SDK1: variants seen among roughly 807,000 people sequenced by gnomAD.
SDK1 encodes sidekick cell adhesion molecule 1.
SDK1 carries 157 observed loss-of-function variants against 245.5 expected under a neutral mutation model. That is an observed-to-expected ratio of 0.64 (90% CI 0.56 to 0.73). SDK1 has a LOEUF of 0.73. SDK1 is among the 30% of genes least tolerant of loss of function. SDK1 has a pLI of 0.00. For synonymous variants in SDK1, 1,647 were observed against 1,278.5 expected, an observed-to-expected ratio of 1.29 and a Z score of -6.15; for missense variants, 3,583 against 3,002.3, an observed-to-expected ratio of 1.19 and a Z score of -4.52.
intron 2 of SDK1, among the ~76,000 whole-genome samples, chr7:3,634,360 C>T (rs1240666100): frequency 1.3e-5 from 2 of 152,160 alleles, no homozygotes; most frequent in African/African-American, 2.4e-5. Flanking sequence ...AGATGCAGGT[C>T]ACAACTGAGG....
At position 4,210,024 on chromosome 7, in the gene SDK1, G is replaced by GC; in HGVS notation, c.5405dup (p.Gly1803TrpfsTer105). On this transcript the variant is annotated frameshift_variant and splice_region_variant. Coordinates refer to ENST00000404826, the MANE Select transcript of SDK1 (RefSeq NM_152744.4). LOFTEE classifies it high-confidence loss of function. Reference sequence around the variant, plus strand: ...AGTCACTTTGTGTTCTATTCTCCCAGCCCCTGGGGCCCCCAGCTTTCTGGC... The same window carrying GC: ...AGTCACTTTGTGTTCTATTCTCCCAGCCCCCTGGGGCCCCCAGCTTTCTGGC... The GC allele has an allele frequency of 6.3e-7, 1 of 1,575,886 alleles. No homozygotes were observed. The highest frequency in any genetic ancestry group is 1.2e-5 in the South Asian group (1 of 84,882).
chr7:3,854,426 A>G (rs1371631925), intron 5 of SDK1, among the ~76,000 whole-genome samples: 3 of 152,208 alleles, frequency 2.0e-5, no homozygotes, highest in Non-Finnish European at 4.4e-5. Flanking sequence ...CTAAATGTTA[A>G]TGATTGCCCC....
intron 1 of SDK1, among the ~76,000 whole-genome samples, chr7:3,461,376 G>A (rs577889712): frequency 3.9e-5 from 6 of 152,224 alleles, no homozygotes; most frequent in Admixed American, 2.6e-4. Flanking sequence ...AACTCTGAGT[G>A]GTATAACAAA....
chr7:3,432,112 TAA>T lies in SDK1; in HGVS notation c.298+130240_298+130241del, dbSNP rs202224777. ...GTAAACAGAGCTTTGCAGGCTGCAG[TAA>T]AAAAAAAAAAATATATATATGTATT... On this transcript the variant is annotated intron_variant, in intron 1 of 44. Transcript: ENST00000404826. Among the ~76,000 whole-genome samples, 252 of 84,254 alleles carry T rather than the reference TAA, an allele frequency of 3.0e-3. 1 individual carries two copies. The highest frequency in any genetic ancestry group is 4.4e-3 in the Non-Finnish European group (167 of 37,872). 55.3% of individuals were successfully genotyped at this position (84,254 alleles called of 152,430 possible). A position where few individuals can be genotyped will look rare whatever the true frequency, so the allele number is the denominator to read the frequency against.
chr7:3,533,453 C>G (rs577755901), intron 1 of SDK1, among the ~76,000 whole-genome samples: 8 of 152,196 alleles, frequency 5.3e-5, no homozygotes, highest in East Asian at 1.9e-4. Flanking sequence ...CAAAATAAAT[C>G]CTATGTATTC....
chr7:4,252,582 A>G (rs1311843348), intron 44 of SDK1, among the ~76,000 whole-genome samples: 5 of 152,136 alleles, frequency 3.3e-5, no homozygotes, highest in African/African-American at 9.7e-5. Context: ...GCATTTTTGT[A>G]TCTATACTTA....
At chr7:4,162,605 G>A (rs1361011235) in intron 32 of SDK1, among the ~76,000 whole-genome samples, 1 of 151,928 alleles carries the variant, frequency 6.6e-6, no homozygotes, top group Non-Finnish European at 1.5e-5. Context: ...TCACCATGTT[G>A]ACCAGGCTGA....
intron 1 of SDK1, among the ~76,000 whole-genome samples, chr7:3,382,139 CA>C (rs1312313478): frequency 6.6e-6 from 1 of 151,542 alleles, no homozygotes; most frequent in Non-Finnish European, 1.5e-5. Flanking sequence ...CAAACTTAAA[CA>C]TTTTTTTTTG....
intron 1 of SDK1, among the ~76,000 whole-genome samples, chr7:3,502,110 T>C (rs1286721737): frequency 6.6e-6 from 1 of 152,134 alleles, no homozygotes; most frequent in East Asian, 1.9e-4. Context: ...GTCACTATAT[T>C]AGACAAACGT....
At chr7:3,760,320 A>C (rs901672675) in intron 4 of SDK1, among the ~76,000 whole-genome samples, 1 of 152,192 alleles carries the variant, frequency 6.6e-6, no homozygotes, top group Non-Finnish European at 1.5e-5. Context: ...CACAATTACC[A>C]ACCACAGCAA....
At chr7:3,581,249 A>C (rs1435289293) in intron 1 of SDK1, among the ~76,000 whole-genome samples, 1 of 152,194 alleles carries the variant, frequency 6.6e-6, no homozygotes, top group Non-Finnish European at 1.5e-5. Context: ...AAGGAACTTA[A>C]ATTTACAAAA....
intron 14 of SDK1, among the ~76,000 whole-genome samples, chr7:4,004,828 A>G (rs1785338242): frequency 6.6e-6 from 1 of 152,070 alleles, no homozygotes; most frequent in Admixed American, 6.6e-5. Context: ...TAAGTGTCTA[A>G]AAAGAAAGGT....
Position 3,953,945 on chromosome 7 carries a change from T to C in SDK1, c.1150+2025T>C, listed in dbSNP as rs565559647. On this transcript the variant is annotated intron_variant, in intron 7 of 44. Transcript: ENST00000404826. ...TCAATTCCGAGGGATTTGGATGAGA[T>C]TATAATCCCACGCCCTGTGGCCGAG... Among the ~76,000 whole-genome samples, 30 of 152,280 alleles carry C rather than the reference T, an allele frequency of 2.0e-4. No homozygotes were observed. In the South Asian group the frequency reaches 5.4e-3, roughly 27 times the overall value.
At chr7:3,434,817 G>C (rs551177252) in intron 1 of SDK1, among the ~76,000 whole-genome samples, 2 of 152,088 alleles carry the variant, frequency 1.3e-5, no homozygotes, top group South Asian at 2.1e-4. Context: ...GGGGGGGACA[G>C]AGCACACCCT....
chr7:4,139,719 G>GTATGTGTGTGTGTA (rs1562872970), intron 28 of SDK1, among the ~76,000 whole-genome samples: 1 of 18,816 alleles, frequency 5.3e-5, no homozygotes, highest in Non-Finnish European at 1.3e-4. Context: ...GTGTGTGTGT[G>GTATGTGTGTGTGTA]TATGTGTGTG....
intron 1 of SDK1, among the ~76,000 whole-genome samples, chr7:3,427,316 C>G (rs189202147): frequency 6.6e-6 from 1 of 151,994 alleles, no homozygotes; most frequent in African/African-American, 2.4e-5. Context: ...GTCAGGAGTT[C>G]GAGACCAGCC....
At chr7:4,047,962 CTT>C (rs1397913885) in intron 17 of SDK1, among the ~76,000 whole-genome samples, 5 of 152,158 alleles carry the variant, frequency 3.3e-5, no homozygotes, top group African/African-American at 1.2e-4. Flanking sequence ...TTCCTGGTGA[CTT>C]AGAGAGGGGG....
Position 4,178,585 on chromosome 7 carries a change from TG to T in SDK1, c.5098+1del. 1 of 1,608,386 alleles carries T rather than the reference TG, an allele frequency of 6.2e-7. No individual in the cohort carries two copies. On this transcript the variant is annotated frameshift_variant and splice_region_variant, in exon 35 of 45. Coordinates refer to ENST00000404826, the MANE Select transcript of SDK1 (RefSeq NM_152744.4). LOFTEE classifies it high-confidence loss of function. ...APVEVFVGEA[A>X]PAMAPQNVQV... ...CCGTGGAGGTCTTTGTCGGCGAGGC[TG>T]GTAAGCTCCGTGCACCCCCAACCCC...
intron 4 of SDK1, among the ~76,000 whole-genome samples, chr7:3,790,731 G>A (rs757555430): frequency 3.3e-5 from 5 of 152,122 alleles, no homozygotes; most frequent in Admixed American, 2.6e-4. Context: ...GCTTGAACCC[G>A]GGAGGCAGAG....
Sources: gnomAD v4.1 joint callset for allele counts (sites outside exome capture counted in the v4.1 genomes callset) on GRCh38, gnomAD v4.1.1 for gene constraint, MANE v1.5 for transcripts, NCBI Gene and HGNC (gene_info 2026-07-23, HGNC 2026-07-21) for gene names.